ARHGEF4: variants seen among roughly 807,000 people sequenced by gnomAD.
The protein encoded by ARHGEF4 is Rho guanine nucleotide exchange factor 4, also known as APC-stimulated guanine nucleotide exchange factor 1.
Under a neutral mutation model 162.0 loss-of-function variants are expected in ARHGEF4, and 119 were observed. The observed-to-expected ratio is 0.73, with a 90% CI of 0.63 to 0.86. The LOEUF is 0.86. ARHGEF4 is among the 40% of genes least tolerant of loss of function. The pLI, the probability that ARHGEF4 is intolerant of heterozygous loss-of-function variation, is 0.00. For synonymous variants in ARHGEF4, 1,014 were observed against 979.9 expected (o/e 1.03, Z -0.65); for missense variants, 2,488 against 2,456.0 (o/e 1.01, Z -0.28).
intron 1 of ARHGEF4, among the ~76,000 whole-genome samples, chr2:130,879,604 G>A (rs1265547010): frequency 6.6e-6 from 1 of 152,016 alleles, no homozygotes; most frequent in African/African-American, 2.4e-5. Context: ...CCACACCCCA[G>A]CCCCTGGTCA....
chr2:130,960,127 A>G (rs1399057544), intron 4 of ARHGEF4, among the ~76,000 whole-genome samples: 1 of 152,156 alleles, frequency 6.6e-6, no homozygotes, highest in African/African-American at 2.4e-5. Context: ...TGCATATACA[A>G]TGGTGGTCCC....
At chr2:130,923,966 C>T (rs1264043054) in intron 2 of ARHGEF4, among the ~76,000 whole-genome samples, 78 of 151,650 alleles carry the variant, frequency 5.1e-4, no homozygotes, top group African/African-American at 1.8e-3. Flanking sequence ...CTGCAAGCTC[C>T]GCCTCCCGGG....
intron 1 of ARHGEF4, among the ~76,000 whole-genome samples, chr2:130,891,834 A>C (rs1044640745): frequency 2.6e-5 from 4 of 152,062 alleles, no homozygotes; most frequent in African/African-American, 9.7e-5. Flanking sequence ...TTGACACAGG[A>C]GTTGGAGGAG....
rs142019682 is a variant in ARHGEF4, at chr2:130,902,850, T to A, written c.40-11136T>A. Among the ~76,000 whole-genome samples the A allele has an allele frequency of 3.3e-5, 5 of 152,310 alleles. No homozygotes were observed. The East Asian group carries it at 7.7e-4, about 23-fold the overall frequency. ...GAACTACATCTGACATTCTTATAAT[T>A]TCTGCTTCAATTTCTAAAACCCAAG... On this transcript the variant is annotated intron_variant, in intron 1 of 13. Coordinates refer to ENST00000409359, the MANE Select transcript of ARHGEF4 (RefSeq NM_001367493.1).
At position 130,914,364 on chromosome 2, in the gene ARHGEF4, GACTCTT is replaced by G. The variant is rs1681366570; in HGVS notation, c.419_424del (p.Asp140_Cys142delinsGly). On this transcript the variant is annotated inframe_deletion, in exon 2 of 14. Transcript: ENST00000409359. ...CGATTTGTCCCCTAGCTTAGAGGAT[GACTCTT>G]GCAAAAATGGGTGGCGAGCCTTTGC... The G allele has an allele frequency of 6.9e-7, 1 of 1,450,002 alleles. No homozygotes were observed. The highest frequency in any genetic ancestry group is 9.0e-7 in the Non-Finnish European group (1 of 1,107,104). 89.8% of individuals were successfully genotyped at this position (1,450,002 alleles called of 1,614,324 possible). A position where few individuals can be genotyped will look rare whatever the true frequency, so the allele number is the denominator to read the frequency against.
rs577857545 is a variant in ARHGEF4, at chr2:131,006,781, C to T, written c.3986-21164C>T. Among the ~76,000 whole-genome samples, 121 of 152,236 alleles carry T rather than the reference C, an allele frequency of 7.9e-4. 1 individual carries two copies. Among genetic ancestry groups the T allele is most frequent in the African/African-American group, 2.7e-3 (112 of 41,532 alleles). On this transcript the variant is annotated intron_variant, in intron 4 of 13. Transcript: ENST00000409359. ...CCACCAAAGTACCAACACCTAGGTG[C>T]GGGGAGTTGGTCTGAAGAGAGGCTG...
At chr2:130,945,529 T>C (rs994195976) in intron 3 of ARHGEF4, among the ~76,000 whole-genome samples, 3 of 152,090 alleles carry the variant, frequency 2.0e-5, no homozygotes, top group African/African-American at 7.2e-5. Flanking sequence ...CCTCATACCC[T>C]TAAGGACCCT....
intron 3 of ARHGEF4, among the ~76,000 whole-genome samples, chr2:130,944,893 G>A (rs1683511800): frequency 6.6e-6 from 1 of 152,096 alleles, no homozygotes; most frequent in Non-Finnish European, 1.5e-5. Flanking sequence ...GGATAATAAT[G>A]ATTATTAAAT....
At chr2:130,853,569 C>G (rs760993532) in intron 1 of ARHGEF4, among the ~76,000 whole-genome samples, 24 of 152,216 alleles carry the variant, frequency 1.6e-4, no homozygotes, top group Non-Finnish European at 2.8e-4. Flanking sequence ...TCCTGTGTGT[C>G]CCCTGGGGAT....
intron 1 of ARHGEF4, among the ~76,000 whole-genome samples, chr2:130,868,514 G>A (rs1226869719): frequency 6.6e-6 from 1 of 152,074 alleles, no homozygotes; most frequent in Non-Finnish European, 1.5e-5. Context: ...GGTCTGAGGC[G>A]GGAGAAAGCG....
At chr2:130,943,803 G>A (rs538969626) in intron 3 of ARHGEF4, among the ~76,000 whole-genome samples, 1 of 152,132 alleles carries the variant, frequency 6.6e-6, no homozygotes, top group Non-Finnish European at 1.5e-5. Flanking sequence ...TTATAATTTT[G>A]TGTTTAACTG....
intron 4 of ARHGEF4, among the ~76,000 whole-genome samples, chr2:131,026,826 C>T (rs1689504540): frequency 6.6e-6 from 1 of 152,132 alleles, no homozygotes; most frequent in South Asian, 2.1e-4. Flanking sequence ...GCCTAGGACC[C>T]AGCAGGGCCA....
intron 3 of ARHGEF4, among the ~76,000 whole-genome samples, chr2:130,939,888 A>G (rs1683186889): frequency 6.6e-6 from 1 of 152,150 alleles, no homozygotes; most frequent in African/African-American, 2.4e-5. Flanking sequence ...CCACAAGTTG[A>G]TTTTTAGTAT....
At chr2:131,007,181 G>A (rs1218083365) in intron 4 of ARHGEF4, among the ~76,000 whole-genome samples, 1 of 152,168 alleles carries the variant, frequency 6.6e-6, no homozygotes, top group African/African-American at 2.4e-5. Context: ...CTTCACTCTA[G>A]ATGGTGGGCA....
At chr2:130,891,728 C>G (rs751263485) in intron 1 of ARHGEF4, among the ~76,000 whole-genome samples, 2 of 152,154 alleles carry the variant, frequency 1.3e-5, no homozygotes, top group Non-Finnish European at 2.9e-5. Flanking sequence ...ACACCAGTTC[C>G]ATCAGATGAG....
intron 1 of ARHGEF4, among the ~76,000 whole-genome samples, chr2:130,908,085 C>A (rs1680947974): frequency 6.6e-6 from 1 of 152,066 alleles, no homozygotes; most frequent in East Asian, 1.9e-4. Context: ...TATCCATGAG[C>A]ATGGAATGTT....
At chr2:130,949,530 T>C (rs1683823979) in intron 4 of ARHGEF4, among the ~76,000 whole-genome samples, 1 of 151,900 alleles carries the variant, frequency 6.6e-6, no homozygotes, top group South Asian at 2.1e-4. Flanking sequence ...ATTTTTTCTA[T>C]TTTTTAGTAG....
chr2:131,047,197 T>G lies in ARHGEF4; in HGVS notation c.*1008T>G, dbSNP rs1342842920. On this transcript the variant is annotated 3_prime_UTR_variant, in exon 14 of 14. Coordinates refer to ENST00000409359, the MANE Select transcript of ARHGEF4 (RefSeq NM_001367493.1). ...AGCATGGACAGTCACTCTTGCACTA[T>G]TCCTTCTCCAAGCCAGAAACCACAT... 1 of 152,238 alleles carries G rather than the reference T, an allele frequency of 6.6e-6. No homozygotes were observed. Among genetic ancestry groups the G allele is most frequent in the East Asian group, 1.9e-4 (1 of 5,182 alleles). The allele number at this position is 152,238 out of a possible 1,614,324, so 9.4% of individuals were successfully genotyped here.
intron 10 of ARHGEF4, among the ~76,000 whole-genome samples, chr2:131,043,118 T>TAC (rs1454332450): frequency 4.3e-5 from 6 of 141,058 alleles, no homozygotes; most frequent in African/African-American, 1.5e-4. Flanking sequence ...TGATCAACTA[T>TAC]CATTAATGAA....
Sources: allele counts gnomAD v4.1 joint callset (sites outside exome capture counted in the v4.1 genomes callset), GRCh38; gene constraint gnomAD v4.1.1; transcripts MANE v1.5; gene names NCBI Gene and HGNC (gene_info 2026-07-23, HGNC 2026-07-21).